The following SLC8A3 variants were observed in gnomAD, a reference collection of about 807,000 sequenced individuals.
SLC8A3 encodes solute carrier family 8 member A3.
A neutral mutation model predicts 65.4 loss-of-function variants in SLC8A3; 37 were observed. The ratio of observed to expected loss-of-function variants is 0.57; its 90% CI spans 0.44 to 0.74. The LOEUF is 0.74. SLC8A3 is among the 30% of genes least tolerant of loss of function. SLC8A3 has a pLI of 0.00. For missense variants in SLC8A3, 1,112 were observed against 1,172.1 expected, an observed-to-expected ratio of 0.95 and a Z score of 0.75; for synonymous variants, 461 against 444.5, an observed-to-expected ratio of 1.04 and a Z score of -0.47.
intron 1 of SLC8A3, among the ~76,000 whole-genome samples, chr14:70,186,875 C>A (rs1010936219): frequency 6.6e-6 from 1 of 152,188 alleles, no homozygotes. Flanking sequence ...GAACTGATCC[C>A]CCTATTTCAG....
rs535812808 is a variant in SLC8A3 at position 70,103,495 on chromosome 14, C to T, written c.1785-42556G>A. On this transcript the variant is annotated intron_variant, in intron 2 of 6. Coordinates refer to ENST00000356921, the MANE Select transcript of SLC8A3 (RefSeq NM_182932.3). ...TACAATGTACGTGATGTAATACATA[C>T]GGAAACAATAGCACAAAGAATGGGA... Among the ~76,000 whole-genome samples the T allele has an allele frequency of 6.3e-4, 96 of 152,010 alleles. 2 individuals are homozygous for T. In the South Asian group the frequency reaches 0.018, roughly 28 times the overall value.
At chr14:70,153,972 A>G (rs1366879519) in intron 2 of SLC8A3, among the ~76,000 whole-genome samples, 5 of 152,210 alleles carry the variant, frequency 3.3e-5, no homozygotes, top group African/African-American at 1.2e-4. Flanking sequence ...AAGTGACACA[A>G]ACAAGAATCC....
rs79656443 is a variant in SLC8A3 at position 70,052,967 on chromosome 14, C to T, written c.1889-853G>A. ...TGGTGAAGCAAGGGCAGTCGTGAGA[C>T]TCCAACTCTCGAGTTTGCAAGGAAA... On this transcript the variant is annotated intron_variant, in intron 3 of 6. Coordinates refer to ENST00000356921, the MANE Select transcript of SLC8A3 (RefSeq NM_182932.3). Among the ~76,000 whole-genome samples the T allele has an allele frequency of 8.5e-3, 1,290 of 152,290 alleles. 17 individuals carry two copies. Among genetic ancestry groups the T allele is most frequent in the African/African-American group, 0.03 (1,259 of 41,550 alleles).
In SLC8A3 at chr14:70,051,079, G is replaced by T. The variant is rs868074845; in HGVS notation, c.2042C>A (p.Thr681Lys). Reference protein sequence around the residue: ...KTTVDKLIKKTNLALVVGTHS... With the variant: ...KTTVDKLIKKKNLALVVGTHS... ...GGTCCCCACAACCAAGGCCAGGTTT[G>T]TCTTCTTGATCAGTTTGTCCACCGT... The change falls in exon 5 of 7, where the codon ACA becomes AAA. Residue 681 changes from threonine (T) to lysine (K), a missense_variant. Transcript: ENST00000356921. The T allele has an allele frequency of 6.2e-7, 1 of 1,613,378 alleles. No individual in the cohort carries two copies. Among genetic ancestry groups the T allele is most frequent in the Non-Finnish European group, 8.5e-7 (1 of 1,179,466 alleles).
intron 2 of SLC8A3, among the ~76,000 whole-genome samples, chr14:70,078,157 C>G (rs1890709742): frequency 6.6e-6 from 1 of 152,164 alleles, no homozygotes; most frequent in Non-Finnish European, 1.5e-5. Context: ...ACTCGTTCAC[C>G]TGAAACAGGA....
intron 2 of SLC8A3, among the ~76,000 whole-genome samples, chr14:70,118,052 A>G (rs1381764273): frequency 6.6e-6 from 1 of 152,184 alleles, no homozygotes. Flanking sequence ...TGTGAGTATA[A>G]ATACTTCTTC....
At chr14:70,079,010 T>C (rs932899062) in intron 2 of SLC8A3, among the ~76,000 whole-genome samples, 3 of 152,222 alleles carry the variant, frequency 2.0e-5, no homozygotes, top group African/African-American at 7.2e-5. Context: ...GCAAGTGATA[T>C]TCTTCTGTTA....
intron 2 of SLC8A3, among the ~76,000 whole-genome samples, chr14:70,085,159 A>G (rs1175926828): frequency 1.3e-5 from 2 of 152,196 alleles, no homozygotes; most frequent in Non-Finnish European, 2.9e-5. Flanking sequence ...GAATCCATCA[A>G]GGCCAAATTC....
At chr14:70,102,035 G>A (rs1261801131) in intron 2 of SLC8A3, among the ~76,000 whole-genome samples, 1 of 152,162 alleles carries the variant, frequency 6.6e-6, no homozygotes, top group Admixed American at 6.5e-5. Context: ...GGGTTTTCCT[G>A]CAAGTCTTTG....
chr14:70,169,696 G>GGT (rs1489727855), intron 1 of SLC8A3, among the ~76,000 whole-genome samples: 1 of 145,996 alleles, frequency 6.8e-6, no homozygotes, highest in Non-Finnish European at 1.5e-5. Context: ...AAAAGTGGGG[G>GGT]GGGGGGCGAT....
Position 70,167,749 on chromosome 14 carries a change from G to C in SLC8A3, c.674C>G (p.Ser225Cys). ...TTCCCAAACCTGGACCACACCAGGGGAGAAGACTGCCAGAATCATATAGAG... is the reference window on the plus strand; with the variant it reads ...TTCCCAAACCTGGACCACACCAGGGCAGAAGACTGCCAGAATCATATAGAG... ...IWLYMILAVF[S>C]PGVVQVWEGL... The change falls in exon 2 of 7, where the codon TCC (serine) becomes TGC (cysteine). Residue 225 changes from serine (S) to cysteine (C), a missense_variant. By Grantham distance (112) the Ser-to-Cys change is moderately radical. Coordinates refer to ENST00000356921, the MANE Select transcript of SLC8A3 (RefSeq NM_182932.3). 6.2e-7 allele frequency: 1 copy of C among 1,614,184 alleles called. No individual in the cohort carries two copies. The highest frequency in any genetic ancestry group is 8.5e-7 in the Non-Finnish European group (1 of 1,180,034).
intron 4 of SLC8A3, among the ~76,000 whole-genome samples, chr14:70,051,528 T>C (rs1887504077): frequency 6.6e-6 from 1 of 152,152 alleles, no homozygotes; most frequent in African/African-American, 2.4e-5. Context: ...CTCAAATTCC[T>C]AGGTATAAGT....
intron 2 of SLC8A3, among the ~76,000 whole-genome samples, chr14:70,150,974 G>T (rs1366991743): frequency 1.3e-5 from 2 of 152,184 alleles, no homozygotes; most frequent in African/African-American, 4.8e-5. Context: ...GAACTATCTG[G>T]CCAGGCGCGG....
Position 70,168,332 on chromosome 14 carries a change from CT to C in SLC8A3, c.90del (p.Glu31ArgfsTer54). 1 of 1,614,162 alleles carries C rather than the reference CT, an allele frequency of 6.2e-7. No individual in the cohort carries two copies. The highest frequency in any genetic ancestry group is 1.1e-5 in the South Asian group (1 of 91,074). Reference protein sequence around the residue: ...TFVLFLNGLRAEAGGSGDVPS... With the variant: ...TFVLFLNGLRXEAGGSGDVPS... Reference sequence around the variant, plus strand: ...GGCACGTCCCCTGAGCCACCAGCCTCTGCTCGAAGACCATTCAGGAAGAGCA... The same window carrying C: ...GGCACGTCCCCTGAGCCACCAGCCTCGCTCGAAGACCATTCAGGAAGAGCA... On this transcript the variant is annotated frameshift_variant, in exon 2 of 7. Transcript: ENST00000356921. LOFTEE classifies it high-confidence loss of function.
intron 2 of SLC8A3, among the ~76,000 whole-genome samples, chr14:70,139,550 C>T (rs182768744): frequency 1.1e-4 from 17 of 152,288 alleles, no homozygotes; most frequent in Non-Finnish European, 1.8e-4. Flanking sequence ...CGAGGAGGAA[C>T]AGTAGCGTAA....
At chr14:70,107,899 A>C (rs1460129161) in intron 2 of SLC8A3, among the ~76,000 whole-genome samples, 1 of 151,986 alleles carries the variant, frequency 6.6e-6, no homozygotes, top group Non-Finnish European at 1.5e-5. Flanking sequence ...TCCTTTCATC[A>C]TTCAGGTCAG....
intron 1 of SLC8A3, among the ~76,000 whole-genome samples, chr14:70,172,510 C>T (rs1303924635): frequency 6.6e-6 from 1 of 152,126 alleles, no homozygotes; most frequent in Non-Finnish European, 1.5e-5. Context: ...CACACCTGCT[C>T]AGAGGAGAAA....
intron 2 of SLC8A3, among the ~76,000 whole-genome samples, chr14:70,071,761 C>T (rs577493617): frequency 2.6e-5 from 4 of 152,320 alleles, no homozygotes; most frequent in East Asian, 1.9e-4. Context: ...TAAGCCTCTA[C>T]GTTTCTGACA....
At chr14:70,084,492 CA>C (rs1292152553) in intron 2 of SLC8A3, among the ~76,000 whole-genome samples, 1 of 152,184 alleles carries the variant, frequency 6.6e-6, no homozygotes, top group African/African-American at 2.4e-5. Context: ...TGTTTTTCCT[CA>C]CACTCTGTTT....
Sources: allele counts gnomAD v4.1 joint callset (sites outside exome capture counted in the v4.1 genomes callset), GRCh38; gene constraint gnomAD v4.1.1; transcripts MANE v1.5; gene names NCBI Gene and HGNC (gene_info 2026-07-23, HGNC 2026-07-21).